The following EIF4G3 variants were observed in gnomAD, a reference collection of about 807,000 sequenced individuals.
The protein encoded by EIF4G3 is eukaryotic translation initiation factor 4 gamma 3.
EIF4G3 carries 34 observed loss-of-function variants against 186.4 expected under a neutral mutation model. The observed-to-expected ratio is 0.18, with a 90% CI of 0.14 to 0.24. The LOEUF (loss-of-function observed/expected upper bound fraction) is 0.24. Ranked by LOEUF, EIF4G3 falls within the 10% of genes least tolerant of loss-of-function variation. The probability of loss-of-function intolerance (pLI) is 1.00; values close to 1 mark genes in which losing one functional copy is unlikely to be tolerated. For missense variants in EIF4G3, 1,536 were observed against 1,948.5 expected (o/e 0.79, Z 3.99); for synonymous variants, 673 against 679.5 (o/e 0.99, Z 0.15).
intron 7 of EIF4G3, among the ~76,000 whole-genome samples, chr1:20,985,245 C>T (rs2079188703): frequency 6.6e-6 from 1 of 152,156 alleles, no homozygotes. Flanking sequence ...CTTCACAAAA[C>T]ACATGCTTAC....
intron 36 of EIF4G3, among the ~76,000 whole-genome samples, chr1:20,808,976 T>C (rs2058693516): frequency 1.3e-5 from 2 of 152,132 alleles, no homozygotes; most frequent in Admixed American, 1.3e-4. Flanking sequence ...TGAGTCGTAT[T>C]AACTTTTTTT....
At chr1:21,140,031 T>G (rs955722163) in intron 2 of EIF4G3, among the ~76,000 whole-genome samples, 18 of 152,236 alleles carry the variant, frequency 1.2e-4, no homozygotes, top group South Asian at 4.1e-4. Flanking sequence ...TAACTAACTT[T>G]GCTCAGTGAT....
At chr1:21,163,307 T>C (rs1019425193) in intron 2 of EIF4G3, among the ~76,000 whole-genome samples, 2 of 152,256 alleles carry the variant, frequency 1.3e-5, no homozygotes, top group South Asian at 2.1e-4. Context: ...TGTAGTCTGC[T>C]TTTGAAACAG....
At chr1:21,134,845 T>C (rs1173796638) in intron 2 of EIF4G3, among the ~76,000 whole-genome samples, 2 of 152,098 alleles carry the variant, frequency 1.3e-5, no homozygotes, top group African/African-American at 4.8e-5. Flanking sequence ...TGCTATGTTA[T>C]AGTGTATTTT....
chr1:20,905,352 T>G (rs1237910803), intron 14 of EIF4G3, among the ~76,000 whole-genome samples: 1 of 152,208 alleles, frequency 6.6e-6, no homozygotes, highest in Non-Finnish European at 1.5e-5. Context: ...GGCCCCTACA[T>G]TACTCAGCTA....
chr1:20,935,182 C>A (rs2095479802), intron 14 of EIF4G3, among the ~76,000 whole-genome samples: 1 of 152,040 alleles, frequency 6.6e-6, no homozygotes, highest in Non-Finnish European at 1.5e-5. Context: ...AGAAACATGA[C>A]GTATAAAGGA....
At chr1:20,887,063 T>C (rs1029706131) in intron 18 of EIF4G3, among the ~76,000 whole-genome samples, 1 of 152,222 alleles carries the variant, frequency 6.6e-6, no homozygotes, top group African/African-American at 2.4e-5. Context: ...AAAATATTCA[T>C]AATTACTATC....
intron 29 of EIF4G3, among the ~76,000 whole-genome samples, chr1:20,842,788 T>C (rs1255536942): frequency 6.6e-6 from 1 of 152,174 alleles, no homozygotes; most frequent in Non-Finnish European, 1.5e-5. Flanking sequence ...TATTTCCAAC[T>C]TCCAGAACGT....
At chr1:20,869,242 T>A (rs1053037251) in intron 20 of EIF4G3, among the ~76,000 whole-genome samples, 2 of 152,026 alleles carry the variant, frequency 1.3e-5, no homozygotes, top group Non-Finnish European at 2.9e-5. Context: ...TAGGATAATG[T>A]AAGCAAATGG....
chr1:20,921,470 T>C (rs1232804356), intron 14 of EIF4G3, among the ~76,000 whole-genome samples: 2 of 152,154 alleles, frequency 1.3e-5, no homozygotes, highest in Admixed American at 6.5e-5. Flanking sequence ...TCCTTGACCA[T>C]TCCGAAAGAA....
At chr1:20,934,125 T>G (rs2154561480) in intron 14 of EIF4G3, among the ~76,000 whole-genome samples, 1 of 151,982 alleles carries the variant, frequency 6.6e-6, no homozygotes, top group East Asian at 1.9e-4. Flanking sequence ...TCGACCTAAC[T>G]TAAAAGAGAG....
intron 20 of EIF4G3, among the ~76,000 whole-genome samples, chr1:20,874,223 G>A (rs148253848): frequency 6.6e-6 from 1 of 152,250 alleles, no homozygotes; most frequent in East Asian, 1.9e-4. Flanking sequence ...GGATTGTTGG[G>A]TCAAATGGTA....
intron 13 of EIF4G3, among the ~76,000 whole-genome samples, chr1:20,946,958 T>C (rs1573327895): frequency 6.6e-6 from 1 of 152,298 alleles, no homozygotes; most frequent in South Asian, 2.1e-4. Context: ...CTGCAAAATG[T>C]AGAGACTGTT....
intron 18 of EIF4G3, among the ~76,000 whole-genome samples, chr1:20,888,234 C>G (rs929870133): frequency 2.0e-5 from 3 of 151,912 alleles, no homozygotes; most frequent in African/African-American, 7.3e-5. Context: ...AAATGAGCAA[C>G]AGAGAGACGT....
chr1:20,955,229 TA>T (rs2096375660), intron 12 of EIF4G3, among the ~76,000 whole-genome samples: 1 of 126,862 alleles, frequency 7.9e-6, no homozygotes, highest in Non-Finnish European at 1.7e-5. Context: ...ATTTGTGTTT[TA>T]TTTTTTAGTT....
intron 4 of EIF4G3, among the ~76,000 whole-genome samples, chr1:21,018,277 T>C (rs2089771752): frequency 6.6e-6 from 1 of 152,140 alleles, no homozygotes; most frequent in Middle Eastern, 3.2e-3. Flanking sequence ...CACGGAACTA[T>C]AAACTTAAAA....
intron 14 of EIF4G3, chr1:20,929,505 G>A (rs1464722681): frequency 6.6e-6 from 1 of 152,150 alleles, no homozygotes; most frequent in African/African-American, 2.4e-5. Context: ...TTCTTTGGAA[G>A]ATAAATTCCT....
At chr1:20,984,158 A>G (rs79526564) in intron 7 of EIF4G3, among the ~76,000 whole-genome samples, 1 of 152,064 alleles carries the variant, frequency 6.6e-6, no homozygotes, top group Non-Finnish European at 1.5e-5. Flanking sequence ...ATATTGATAT[A>G]CTAATTTTTT....
chr1:21,063,356 G>A (rs1405051764), intron 3 of EIF4G3, among the ~76,000 whole-genome samples: 1 of 152,104 alleles, frequency 6.6e-6, no homozygotes, highest in African/African-American at 2.4e-5. Flanking sequence ...GCAGTATTTT[G>A]AAAAGAATAT....
Sources: gnomAD v4.1 joint callset for allele counts (sites outside exome capture counted in the v4.1 genomes callset) on GRCh38, gnomAD v4.1.1 for gene constraint, MANE v1.5 for transcripts, NCBI Gene and HGNC (gene_info 2026-07-23, HGNC 2026-07-21) for gene names.